The following SPAG16 variants were observed in gnomAD, a reference collection of about 807,000 sequenced individuals.
The protein encoded by SPAG16 is sperm associated antigen 16, also known as sperm-associated antigen 16 protein.
In SPAG16, 86 loss-of-function variants were observed where a neutral mutation model predicts 80.4. That is an observed-to-expected ratio of 1.07 (90% CI 0.90 to 1.28). SPAG16 has a LOEUF of 1.28. Ranked by LOEUF, SPAG16 falls within the 50% of genes most tolerant of loss-of-function variation. SPAG16 has a pLI of 0.00. For synonymous variants in SPAG16, 294 were observed against 265.9 expected, an observed-to-expected ratio of 1.11 and a Z score of -1.03; for missense variants, 870 against 765.3, an observed-to-expected ratio of 1.14 and a Z score of -1.61.
intron 15 of SPAG16, among the ~76,000 whole-genome samples, chr2:214,391,796 G>C (rs998024252): frequency 1.3e-5 from 2 of 152,146 alleles, no homozygotes; most frequent in Non-Finnish European, 2.9e-5. Flanking sequence ...GTTTGGATCT[G>C]ACACATTGTA....
chr2:213,883,424 C>A (rs2076428127), intron 11 of SPAG16, among the ~76,000 whole-genome samples: 2 of 151,960 alleles, frequency 1.3e-5, no homozygotes, highest in Non-Finnish European at 2.9e-5. Flanking sequence ...TGCTTCATGA[C>A]CAATTATGTG....
intron 10 of SPAG16, among the ~76,000 whole-genome samples, chr2:213,610,704 T>C (rs757895799): frequency 6.6e-6 from 1 of 152,112 alleles, no homozygotes; most frequent in Non-Finnish European, 1.5e-5. Context: ...ATAGACAAAG[T>C]AGGACATTCC....
At chr2:214,385,207 A>AGTT (rs371248376) in intron 15 of SPAG16, among the ~76,000 whole-genome samples, 7 of 152,336 alleles carry the variant, frequency 4.6e-5, no homozygotes, top group Non-Finnish European at 7.3e-5. Flanking sequence ...GTCACTCAAT[A>AGTT]GTTGTATGCT....
At chr2:213,801,224 T>G (rs1026309548) in intron 10 of SPAG16, among the ~76,000 whole-genome samples, 1 of 152,242 alleles carries the variant, frequency 6.6e-6, no homozygotes, top group Admixed American at 6.5e-5. Flanking sequence ...TTTGCGTGTG[T>G]GTGTGCGTGC....
At chr2:213,989,793 A>T (rs1159155022) in intron 12 of SPAG16, among the ~76,000 whole-genome samples, 1 of 152,128 alleles carries the variant, frequency 6.6e-6, no homozygotes, top group Non-Finnish European at 1.5e-5. Context: ...AAATATAGGG[A>T]GTATATATGA....
At chr2:213,685,955 G>A (rs1026876749) in intron 10 of SPAG16, among the ~76,000 whole-genome samples, 2 of 152,092 alleles carry the variant, frequency 1.3e-5, no homozygotes, top group Non-Finnish European at 2.9e-5. Flanking sequence ...GGAGTAGTTG[G>A]CATGTAATAT....
At chr2:214,073,773 A>C (rs2050927905) in intron 13 of SPAG16, among the ~76,000 whole-genome samples, 2 of 152,218 alleles carry the variant, frequency 1.3e-5, no homozygotes, top group African/African-American at 4.8e-5. Context: ...TGGAAAACTT[A>C]CACTACCAGA....
At chr2:213,414,664 G>A (rs1041765401) in intron 9 of SPAG16, among the ~76,000 whole-genome samples, 1 of 152,144 alleles carries the variant, frequency 6.6e-6, no homozygotes, top group Admixed American at 6.5e-5. Flanking sequence ...CCATTCTTGT[G>A]ACATACTGCT....
chr2:213,339,758 T>C (rs773000231), intron 5 of SPAG16, among the ~76,000 whole-genome samples: 1 of 152,014 alleles, frequency 6.6e-6, no homozygotes, highest in Non-Finnish European at 1.5e-5. Flanking sequence ...CTTTACATTC[T>C]AGGAAGTTCA....
At chr2:214,213,627 C>G (rs768243546) in intron 15 of SPAG16, among the ~76,000 whole-genome samples, 23 of 152,118 alleles carry the variant, frequency 1.5e-4, no homozygotes, top group Non-Finnish European at 3.2e-4. Flanking sequence ...TACCAGCTAC[C>G]CAGTGTGGCA....
chr2:213,761,219 T>C (rs543269818), intron 10 of SPAG16, among the ~76,000 whole-genome samples: 1 of 152,034 alleles, frequency 6.6e-6, no homozygotes, highest in Non-Finnish European at 1.5e-5. Context: ...TCGAAAATAC[T>C]TGGAGATGAA....
At chr2:214,404,077 G>T (rs1430898155) in intron 15 of SPAG16, among the ~76,000 whole-genome samples, 1 of 152,150 alleles carries the variant, frequency 6.6e-6, no homozygotes, top group Non-Finnish European at 1.5e-5. Context: ...CAAAGGTAGG[G>T]AAGTGAAAAA....
chr2:213,336,844 G>A (rs910387213), intron 5 of SPAG16, among the ~76,000 whole-genome samples: 1 of 152,148 alleles, frequency 6.6e-6, no homozygotes, highest in African/African-American at 2.4e-5. Flanking sequence ...AGATGAGGGT[G>A]CAGCACACCC....
intron 12 of SPAG16, among the ~76,000 whole-genome samples, chr2:213,957,558 G>A (rs908193861): frequency 2.0e-5 from 3 of 151,686 alleles, no homozygotes; most frequent in Non-Finnish European, 2.9e-5. Context: ...CTGCTAATCT[G>A]TCTTTTCATT....
chr2:213,678,432 G>A (rs1345424512), intron 10 of SPAG16, among the ~76,000 whole-genome samples: 1 of 151,898 alleles, frequency 6.6e-6, no homozygotes, highest in Non-Finnish European at 1.5e-5. Flanking sequence ...AATGATAAAG[G>A]GGATATCACC....
chr2:214,190,970 G>A (rs925775623), intron 15 of SPAG16, among the ~76,000 whole-genome samples: 5 of 152,096 alleles, frequency 3.3e-5, no homozygotes, highest in Non-Finnish European at 5.9e-5. Context: ...AGCTTGTAGC[G>A]ACAGGTTTAG....
At chr2:213,952,135 C>T (rs992415801) in intron 12 of SPAG16, among the ~76,000 whole-genome samples, 5 of 151,828 alleles carry the variant, frequency 3.3e-5, no homozygotes, top group African/African-American at 1.2e-4. Context: ...CATCTTTAGA[C>T]TATAGATAAT....
At chr2:213,804,654 G>T (rs1318672134) in intron 10 of SPAG16, among the ~76,000 whole-genome samples, 1 of 152,156 alleles carries the variant, frequency 6.6e-6, no homozygotes, top group Non-Finnish European at 1.5e-5. Context: ...CTGCAGTCCA[G>T]CTTGGGCGAC....
chr2:214,282,621 C>T (rs990794520), intron 15 of SPAG16, among the ~76,000 whole-genome samples: 4 of 151,990 alleles, frequency 2.6e-5, no homozygotes, highest in East Asian at 3.9e-4. Flanking sequence ...AAAGAAATAC[C>T]GTCTTTTAAT....
Sources: gnomAD v4.1 joint callset for allele counts (sites outside exome capture counted in the v4.1 genomes callset) on GRCh38, gnomAD v4.1.1 for gene constraint, MANE v1.5 for transcripts, NCBI Gene and HGNC (gene_info 2026-07-23, HGNC 2026-07-21) for gene names.